GLIS3: variants seen among roughly 807,000 people sequenced by gnomAD.
GLIS3 encodes the protein zinc finger protein GLIS3.
GLIS3 carries 53 observed loss-of-function variants against 78.6 expected under a neutral mutation model. The ratio of observed to expected loss-of-function variants is 0.67; its 90% CI spans 0.54 to 0.85. The LOEUF is 0.85. GLIS3 is among the 40% of genes least tolerant of loss of function. The pLI, the probability that GLIS3 is intolerant of heterozygous loss-of-function variation, is 0.00. For missense variants in GLIS3, 1,703 were observed against 1,231.1 expected (o/e 1.38, Z -5.74); for synonymous variants, 684 against 509.9 (o/e 1.34, Z -4.60).
At chr9:4,039,471 C>A (rs1824618975) in intron 4 of GLIS3, among the ~76,000 whole-genome samples, 1 of 152,144 alleles carries the variant, frequency 6.6e-6, no homozygotes, top group African/African-American at 2.4e-5. Context: ...AAACAAGCTG[C>A]TCTGATGGGT....
At chr9:4,417,987 A>G in the GLIS3 span, among the ~76,000 whole-genome samples, 4 of 152,238 alleles carry the variant, frequency 2.6e-5, no homozygotes, top group East Asian at 1.9e-4. Flanking sequence ...TTTGCACAAT[A>G]TCTAGCATTC....
At chr9:4,196,914 G>A (rs1818910145) in intron 2 of GLIS3, among the ~76,000 whole-genome samples, 1 of 152,144 alleles carries the variant, frequency 6.6e-6, no homozygotes, top group Non-Finnish European at 1.5e-5. Context: ...CTGAGATCAT[G>A]GTGCAGTAGG....
At chr9:4,315,106 T>C (rs1356782937) in intron 2 of GLIS3, among the ~76,000 whole-genome samples, 2 of 152,240 alleles carry the variant, frequency 1.3e-5, no homozygotes, top group Non-Finnish European at 2.9e-5. Context: ...TTCTCGGAGA[T>C]ACAACTCCCA....
chr9:4,042,770 T>C (rs1480010011), intron 4 of GLIS3, among the ~76,000 whole-genome samples: 1 of 152,044 alleles, frequency 6.6e-6, no homozygotes, highest in South Asian at 2.1e-4. Flanking sequence ...TGGAAAACAA[T>C]ATATGATTTT....
the GLIS3 span, among the ~76,000 whole-genome samples, chr9:4,374,772 A>C: frequency 6.6e-6 from 1 of 152,252 alleles, no homozygotes; most frequent in African/African-American, 2.4e-5. Flanking sequence ...AACGTCCAAG[A>C]AAGTCAATTA....
intron 2 of GLIS3, among the ~76,000 whole-genome samples, chr9:4,164,644 G>T (rs1835742870): frequency 6.6e-6 from 1 of 152,106 alleles, no homozygotes; most frequent in African/African-American, 2.4e-5. Context: ...CCCTCCAAAG[G>T]AAAGGCTGCT....
chr9:4,121,754 G>A (rs147253601), intron 3 of GLIS3, among the ~76,000 whole-genome samples: 138 of 151,940 alleles, frequency 9.1e-4, no homozygotes, highest in African/African-American at 3.2e-3. Context: ...TCTTTACATT[G>A]TATCCCACAT....
At chr9:4,340,792 T>C (rs1231675195) in intron 2 of GLIS3, among the ~76,000 whole-genome samples, 5 of 152,154 alleles carry the variant, frequency 3.3e-5, no homozygotes, top group Non-Finnish European at 7.3e-5. Context: ...CCTCCTGGGT[T>C]CAAGCAATTG....
chr9:3,878,909 C>T (rs1310846188), intron 8 of GLIS3: 1 of 161,532 alleles, frequency 6.2e-6, no homozygotes, highest in African/African-American at 2.4e-5. Flanking sequence ...CTCGAAAGGC[C>T]TCTGGGGCCA....
rs1012367252 is a variant in GLIS3 at position 3,936,903 on chromosome 9, T to A, written c.1872+125A>T. On this transcript the variant is annotated intron_variant, in intron 5 of 10. Transcript: ENST00000381971. ...CTGGCCTTTTACCAGGCTCCACTGCTGCCCTTGGCATTGTCCCTGTAACCT... is the reference window on the plus strand; with the variant it reads ...CTGGCCTTTTACCAGGCTCCACTGCAGCCCTTGGCATTGTCCCTGTAACCT... The A allele has an allele frequency of 2.3e-6, 3 of 1,309,922 alleles. No homozygotes were observed. In the African/African-American group the frequency reaches 4.4e-5, roughly 19 times the overall value. The allele number at this position is 1,309,922 out of a possible 1,614,324, so 81.1% of individuals were successfully genotyped here. A position where few individuals can be genotyped will look rare whatever the true frequency, so the allele number is the denominator to read the frequency against.
chr9:4,367,779 G>GA, the GLIS3 span, among the ~76,000 whole-genome samples: 19 of 151,534 alleles, frequency 1.3e-4, no homozygotes, highest in African/African-American at 4.4e-4. Context: ...TTCTAGAATG[G>GA]AAAAAAAAGA....
Position 3,826,149 on chromosome 9 carries a change from G to A in GLIS3, c.*2123C>T, listed in dbSNP as rs1421691121. ...AAAGGCAGGGCTGACAATGTCAACT[G>A]CAATAACAACCTTGCCTTTTCATCT... is the stretch of plus-strand genomic sequence containing the variant. On this transcript the variant is annotated 3_prime_UTR_variant, in exon 11 of 11. Transcript: ENST00000381971. 1 of 152,170 alleles carries A rather than the reference G, an allele frequency of 6.6e-6. No individual in the cohort carries two copies. Among genetic ancestry groups the A allele is most frequent in the South Asian group, 2.1e-4 (1 of 4,828 alleles). 9.4% of individuals were successfully genotyped at this position (152,170 alleles called of 1,614,324 possible). A position where few individuals can be genotyped will look rare whatever the true frequency, so the allele number is the denominator to read the frequency against.
chr9:4,261,927 C>T (rs1352295340), intron 2 of GLIS3, among the ~76,000 whole-genome samples: 1 of 152,184 alleles, frequency 6.6e-6, no homozygotes, highest in Non-Finnish European at 1.5e-5. Context: ...AATACTGTCT[C>T]CAAAGAGGGC....
chr9:3,947,015 C>T (rs955958842), intron 4 of GLIS3, among the ~76,000 whole-genome samples: 62 of 144,324 alleles, frequency 4.3e-4, no homozygotes, highest in African/African-American at 1.5e-3. Context: ...CAACCCCTCA[C>T]GACGCCACGC....
intron 4 of GLIS3, chr9:4,054,549 G>A: frequency 5.3e-6 from 5 of 949,456 alleles, no homozygotes; most frequent in Non-Finnish European, 6.3e-6. Flanking sequence ...TCTGATCAGT[G>A]CGGAGCAGGT....
chr9:4,063,834 G>C (rs1826856561), intron 4 of GLIS3, among the ~76,000 whole-genome samples: 2 of 152,150 alleles, frequency 1.3e-5, no homozygotes, highest in Non-Finnish European at 2.9e-5. Flanking sequence ...TAATTAAAAA[G>C]TGAAGGTATA....
Position 3,852,514 on chromosome 9 carries a change from A to C in GLIS3, c.2473+3495T>G, listed in dbSNP as rs1934124128. Among the ~76,000 whole-genome samples, 2 of 152,226 alleles carry C rather than the reference A, an allele frequency of 1.3e-5. 1 individual carries two copies. The highest frequency in any genetic ancestry group is 1.3e-4 in the Admixed American group (2 of 15,286). On this transcript the variant is annotated intron_variant, in intron 9 of 10. Transcript: ENST00000381971. ...AGCAAACTCGTCCAACAAAAGCTGA[A>C]AGGCATGATCAATAAATGCAACTCA...
chr9:3,996,219 G>A (rs1319164898), intron 4 of GLIS3, among the ~76,000 whole-genome samples: 1 of 151,964 alleles, frequency 6.6e-6, no homozygotes, highest in African/African-American at 2.4e-5. Flanking sequence ...AATAAAAACT[G>A]ACAGATCCTC....
the GLIS3 span, among the ~76,000 whole-genome samples, chr9:4,371,874 C>A: frequency 6.6e-6 from 1 of 152,212 alleles, no homozygotes; most frequent in African/African-American, 2.4e-5. Context: ...TTTTGAATAT[C>A]ACACAATAAA....
Sources: gnomAD v4.1 joint callset for allele counts (sites outside exome capture counted in the v4.1 genomes callset) on GRCh38, gnomAD v4.1.1 for gene constraint, MANE v1.5 for transcripts, NCBI Gene and HGNC (gene_info 2026-07-23, HGNC 2026-07-21) for gene names.